The following INPP4B variants were observed in gnomAD, a reference collection of about 807,000 sequenced individuals.
INPP4B encodes the protein inositol polyphosphate 4-phosphatase type II.
INPP4B carries 55 observed loss-of-function variants against 122.5 expected under a neutral mutation model. The observed-to-expected ratio is 0.45, with a 90% CI of 0.36 to 0.56. The LOEUF (loss-of-function observed/expected upper bound fraction) is 0.56. INPP4B is among the 20% of genes least tolerant of loss of function. The pLI is 0.00. For missense variants in INPP4B, 1,000 were observed against 1,097.7 expected (o/e 0.91, Z 1.26); for synonymous variants, 403 against 388.7 (o/e 1.04, Z -0.43).
At chr4:142,097,948 A>G (rs1242629097) in intron 23 of INPP4B, among the ~76,000 whole-genome samples, 1 of 152,158 alleles carries the variant, frequency 6.6e-6, no homozygotes, top group Non-Finnish European at 1.5e-5. Flanking sequence ...ACATTCTGGT[A>G]AGGAGTCCTG....
At position 142,280,120 on chromosome 4, in the gene INPP4B, A is replaced by G. The variant is rs78540892; in HGVS notation, c.504-9346T>C. Among the ~76,000 whole-genome samples the G allele has an allele frequency of 7.5e-3, 1,142 of 152,058 alleles. 10 individuals carry two copies. The highest frequency in any genetic ancestry group is 0.011 in the Non-Finnish European group (742 of 67,896). On this transcript the variant is annotated intron_variant, in intron 9 of 25. Transcript: ENST00000262992. Reference sequence around the variant, plus strand: ...GACTGAAACTCTCATACATCTCTGTAAGGAAAAACAGCTCAGCTGCTTTTT... The same window carrying G: ...GACTGAAACTCTCATACATCTCTGTGAGGAAAAACAGCTCAGCTGCTTTTT...
intron 18 of INPP4B, among the ~76,000 whole-genome samples, chr4:142,137,883 A>G (rs1805474323): frequency 6.6e-6 from 1 of 151,818 alleles, no homozygotes; most frequent in African/African-American, 2.4e-5. Flanking sequence ...AAGTCAGGAA[A>G]CAACAGGTGC....
intron 2 of INPP4B, among the ~76,000 whole-genome samples, chr4:142,626,151 A>G (rs964211220): frequency 7.2e-5 from 11 of 152,274 alleles, no homozygotes; most frequent in Admixed American, 5.9e-4. Flanking sequence ...ATTAAACTAA[A>G]GAGCTTCTGC....
chr4:142,745,151 T>C (rs1356263311), intron 1 of INPP4B, among the ~76,000 whole-genome samples: 1 of 151,752 alleles, frequency 6.6e-6, no homozygotes. Context: ...AGCATTAACC[T>C]TAAACACTAT....
chr4:142,261,245 G>T (rs1406455486), intron 10 of INPP4B, among the ~76,000 whole-genome samples: 2 of 152,098 alleles, frequency 1.3e-5, no homozygotes, highest in Non-Finnish European at 2.9e-5. Flanking sequence ...CACTAAATGT[G>T]GTGCTCTCCC....
chr4:142,626,392 C>T (rs1560885174), intron 2 of INPP4B, among the ~76,000 whole-genome samples: 1 of 151,874 alleles, frequency 6.6e-6, no homozygotes, highest in Non-Finnish European at 1.5e-5. Context: ...AGAGATTCTC[C>T]AATGTTGGCT....
chr4:142,246,436 T>C (rs1047799441), intron 11 of INPP4B, among the ~76,000 whole-genome samples: 7 of 152,152 alleles, frequency 4.6e-5, no homozygotes, highest in Non-Finnish European at 8.8e-5. Context: ...GAACATAGAA[T>C]GTTTTTCCAT....
At chr4:142,714,564 T>G (rs1763526904) in intron 2 of INPP4B, among the ~76,000 whole-genome samples, 1 of 152,224 alleles carries the variant, frequency 6.6e-6, no homozygotes, top group South Asian at 2.1e-4. Flanking sequence ...TGAATAAACT[T>G]GTTGATCATT....
rs1757903392 is a variant in INPP4B, at chr4:142,294,829, C to CAGAAAAAAAAAAAAAAAAAAAA, written c.503+10628_503+10629insTTTTTTTTTTTTTTTTTTTTCT. 7.0e-5 allele frequency among the ~76,000 whole-genome samples: 2 copies of CAGAAAAAAAAAAAAAAAAAAAA among 28,476 alleles called. 1 individual carries two copies. The highest frequency in any genetic ancestry group is 2.4e-4 in the African/African-American group (2 of 8,250). 18.7% of individuals were successfully genotyped at this position (28,476 alleles called of 152,430 possible). ...CGGGCGACAGAGCGAGACTCCGTCT[C>CAGAAAAAAAAAAAAAAAAAAAA]AAAAAAAAAAAAAAAAAAAAAAAAA... On this transcript the variant is annotated intron_variant, in intron 9 of 25. Coordinates refer to ENST00000262992, the MANE Select transcript of INPP4B (RefSeq NM_001101669.3).
At chr4:142,673,918 C>A (rs1332245677) in intron 2 of INPP4B, among the ~76,000 whole-genome samples, 1 of 152,114 alleles carries the variant, frequency 6.6e-6, no homozygotes, top group East Asian at 1.9e-4. Flanking sequence ...CCGTTTCAGG[C>A]CCCAGGAACT....
chr4:142,334,803 T>C (rs13128872), intron 7 of INPP4B, among the ~76,000 whole-genome samples: 4 of 152,156 alleles, frequency 2.6e-5, no homozygotes, highest in African/African-American at 9.7e-5. Context: ...GAATTATTTG[T>C]TGTTGTTGTT....
intron 2 of INPP4B, among the ~76,000 whole-genome samples, chr4:142,485,635 T>A (rs894490802): frequency 8.5e-5 from 13 of 152,086 alleles, no homozygotes; most frequent in African/African-American, 2.9e-4. Flanking sequence ...TTTTGTAAGA[T>A]CCATTGCACA....
At chr4:142,509,547 C>T (rs141522035) in intron 2 of INPP4B, among the ~76,000 whole-genome samples, 10 of 152,200 alleles carry the variant, frequency 6.6e-5, no homozygotes, top group African/African-American at 1.2e-4. Flanking sequence ...TCCCTGCAAA[C>T]GACATGAACT....
intron 3 of INPP4B, among the ~76,000 whole-genome samples, chr4:142,436,708 A>G (rs1272044813): frequency 6.6e-6 from 1 of 152,088 alleles, no homozygotes; most frequent in Non-Finnish European, 1.5e-5. Context: ...TAAAGCAACA[A>G]CAAGAGCATC....
intron 2 of INPP4B, among the ~76,000 whole-genome samples, chr4:142,542,839 A>G (rs766121593): frequency 9.9e-5 from 15 of 152,186 alleles, no homozygotes; most frequent in Non-Finnish European, 1.9e-4. Flanking sequence ...AAGATGCTAC[A>G]TATACCAATG....
chr4:142,711,337 AATACTTT>A (rs1763095842), intron 2 of INPP4B, among the ~76,000 whole-genome samples: 2 of 152,120 alleles, frequency 1.3e-5, no homozygotes, highest in Admixed American at 1.3e-4. Flanking sequence ...CCCTTTATAG[AATACTTT>A]ATACTTATTT....
At chr4:142,632,967 C>T (rs1343456962) in intron 2 of INPP4B, among the ~76,000 whole-genome samples, 1 of 151,222 alleles carries the variant, frequency 6.6e-6, no homozygotes, top group Non-Finnish European at 1.5e-5. Context: ...GATCTTAAAA[C>T]ATAAAAGAAG....
chr4:142,803,223 A>G (rs889701700), intron 1 of INPP4B, among the ~76,000 whole-genome samples: 1 of 151,676 alleles, frequency 6.6e-6, no homozygotes, highest in African/African-American at 2.4e-5. Context: ...ATCAAAAACC[A>G]GTTCCTTAAA....
At chr4:142,574,002 TG>T (rs1733352231) in intron 2 of INPP4B, among the ~76,000 whole-genome samples, 1 of 152,088 alleles carries the variant, frequency 6.6e-6, no homozygotes, top group African/African-American at 2.4e-5. Flanking sequence ...AATAAACTGA[TG>T]GGGAAATATG....
Sources: allele counts gnomAD v4.1 joint callset (sites outside exome capture counted in the v4.1 genomes callset), GRCh38; gene constraint gnomAD v4.1.1; transcripts MANE v1.5; gene names NCBI Gene and HGNC (gene_info 2026-07-23, HGNC 2026-07-21).